The following CTNND2 variants were observed in gnomAD, a reference collection of about 807,000 sequenced individuals.
CTNND2 encodes catenin delta-2.
CTNND2 carries 22 observed loss-of-function variants against 144.4 expected under a neutral mutation model. The ratio of observed to expected loss-of-function variants is 0.15; its 90% CI spans 0.11 to 0.22. CTNND2 has a LOEUF of 0.22. Among genes scored for constraint, CTNND2 ranks in the 10% least tolerant of loss-of-function variants. The pLI is 1.00. For synonymous variants in CTNND2, 751 were observed against 695.6 expected, an observed-to-expected ratio of 1.08 and a Z score of -1.25; for missense variants, 1,353 against 1,618.8, an observed-to-expected ratio of 0.84 and a Z score of 2.82.
At chr5:11,122,448 C>G (rs1041724327) in intron 12 of CTNND2, among the ~76,000 whole-genome samples, 1 of 151,948 alleles carries the variant, frequency 6.6e-6, no homozygotes, top group African/African-American at 2.4e-5. Flanking sequence ...GGTTGTCTTC[C>G]TATGTCTGTT....
chr5:11,381,021 G>A (rs1176045612), intron 7 of CTNND2, among the ~76,000 whole-genome samples: 1 of 152,074 alleles, frequency 6.6e-6, no homozygotes, highest in South Asian at 2.1e-4. Flanking sequence ...TCAATTGATG[G>A]TGACTCTATT....
At chr5:11,053,676 C>G (rs951117238) in intron 16 of CTNND2, among the ~76,000 whole-genome samples, 5 of 152,178 alleles carry the variant, frequency 3.3e-5, no homozygotes, top group Admixed American at 1.3e-4. Context: ...TTAAGGCAAG[C>G]TTATTTTGGT....
chr5:11,836,755 A>C (rs1221239287), intron 1 of CTNND2, among the ~76,000 whole-genome samples: 1 of 152,246 alleles, frequency 6.6e-6, no homozygotes, highest in East Asian at 1.9e-4. Context: ...CTCTGTATTT[A>C]GCTTTACCGA....
intron 11 of CTNND2, among the ~76,000 whole-genome samples, chr5:11,170,437 A>G (rs1308575316): frequency 6.6e-6 from 1 of 152,212 alleles, no homozygotes; most frequent in East Asian, 1.9e-4. Flanking sequence ...ACAACATGAT[A>G]TTTTGAAGTA....
intron 3 of CTNND2, among the ~76,000 whole-genome samples, chr5:11,449,420 TG>T (rs371804750): frequency 9.8e-4 from 150 of 152,340 alleles, no homozygotes; most frequent in African/African-American, 3.5e-3. Flanking sequence ...ACATTGTTAT[TG>T]GCTGCTCTGC....
intron 9 of CTNND2, among the ~76,000 whole-genome samples, chr5:11,299,681 T>C (rs1210649401): frequency 3.3e-5 from 5 of 152,178 alleles, no homozygotes; most frequent in African/African-American, 7.2e-5. Context: ...TCCGTGAAAC[T>C]TTCCTGCCAA....
chr5:11,585,768 G>A (rs574255202), intron 2 of CTNND2, among the ~76,000 whole-genome samples: 11 of 147,622 alleles, frequency 7.5e-5, no homozygotes, highest in Admixed American at 1.3e-4. Context: ...TAAGAACAGC[G>A]TCATTGACAA....
chr5:11,091,118 T>C (rs1750725519), intron 15 of CTNND2, among the ~76,000 whole-genome samples: 1 of 152,170 alleles, frequency 6.6e-6, no homozygotes, highest in African/African-American at 2.4e-5. Flanking sequence ...TCCTCCTTTC[T>C]CTGTCCTCTC....
chr5:11,153,990 A>C (rs1757986613), intron 12 of CTNND2, among the ~76,000 whole-genome samples: 1 of 148,830 alleles, frequency 6.7e-6, no homozygotes, highest in South Asian at 2.1e-4. Flanking sequence ...GCAAGCTTCT[A>C]CCCATAGTTC....
chr5:11,197,720 A>T (rs1262890980), intron 11 of CTNND2, among the ~76,000 whole-genome samples: 2 of 152,150 alleles, frequency 1.3e-5, no homozygotes, highest in Non-Finnish European at 2.9e-5. Flanking sequence ...GCTGCTTCAA[A>T]TGGCAGCACA....
At chr5:11,106,242 A>G (rs910515119) in intron 14 of CTNND2, among the ~76,000 whole-genome samples, 4 of 152,208 alleles carry the variant, frequency 2.6e-5, no homozygotes, top group Non-Finnish European at 5.9e-5. Context: ...GGGGTAGGTG[A>G]GATTTAACTA....
intron 21 of CTNND2, among the ~76,000 whole-genome samples, chr5:10,975,962 C>A (rs1282304252): frequency 1.3e-5 from 2 of 152,210 alleles, no homozygotes; most frequent in African/African-American, 2.4e-5. Context: ...CAGCCTCTTA[C>A]CCCAGAGAAT....
intron 11 of CTNND2, among the ~76,000 whole-genome samples, chr5:11,161,474 T>G (rs1218918070): frequency 6.6e-6 from 1 of 152,228 alleles, no homozygotes; most frequent in African/African-American, 2.4e-5. Context: ...TATCTTGTTT[T>G]AAATAAAACA....
intron 11 of CTNND2, among the ~76,000 whole-genome samples, chr5:11,166,235 G>A (rs1167741804): frequency 6.7e-6 from 1 of 149,818 alleles, no homozygotes; most frequent in Admixed American, 6.6e-5. Flanking sequence ...GAGAAGAATG[G>A]GGACAAAAAA....
At chr5:11,501,970 G>T (rs945302696) in intron 3 of CTNND2, among the ~76,000 whole-genome samples, 1 of 145,858 alleles carries the variant, frequency 6.9e-6, no homozygotes, top group Non-Finnish European at 1.5e-5. Flanking sequence ...GGAGCTTGCA[G>T]TGAGCCGTGA....
chr5:11,887,261 G>A (rs1736624505), intron 1 of CTNND2, among the ~76,000 whole-genome samples: 1 of 152,032 alleles, frequency 6.6e-6, no homozygotes, highest in Admixed American at 6.6e-5. Context: ...GGGATTACAG[G>A]CAGGAGCCAC....
intron 3 of CTNND2, among the ~76,000 whole-genome samples, chr5:11,443,930 AC>A (rs1764566826): frequency 6.6e-6 from 1 of 152,234 alleles, no homozygotes. Flanking sequence ...TTTATTTCTT[AC>A]TGACACCAAC....
intron 2 of CTNND2, among the ~76,000 whole-genome samples, chr5:11,712,693 G>A (rs1416817117): frequency 6.6e-6 from 1 of 152,058 alleles, no homozygotes. Flanking sequence ...TGGTCACAAG[G>A]ATTGTTTTTG....
At chr5:11,497,049 G>A (rs1265318220) in intron 3 of CTNND2, among the ~76,000 whole-genome samples, 1 of 152,096 alleles carries the variant, frequency 6.6e-6, no homozygotes, top group African/African-American at 2.4e-5. Flanking sequence ...GTAAACAGAA[G>A]CTCAGAAAAG....
Sources: gnomAD v4.1 joint callset for allele counts (sites outside exome capture counted in the v4.1 genomes callset) on GRCh38, gnomAD v4.1.1 for gene constraint, MANE v1.5 for transcripts, NCBI Gene and HGNC (gene_info 2026-07-23, HGNC 2026-07-21) for gene names.